TET1: variants seen among roughly 807,000 people sequenced by gnomAD.
TET1 encodes the protein tet methylcytosine dioxygenase 1, also known as methylcytosine dioxygenase TET1.
Under a neutral mutation model 148.7 loss-of-function variants are expected in TET1, and 13 were observed. The observed-to-expected ratio is 0.09, with a 90% CI of 0.06 to 0.14. The LOEUF is 0.14. TET1 is among the 10% of genes least tolerant of loss of function. The pLI is 1.00. For synonymous variants in TET1, 907 were observed against 937.2 expected, an observed-to-expected ratio of 0.97 and a Z score of 0.59; for missense variants, 2,182 against 2,553.8, an observed-to-expected ratio of 0.85 and a Z score of 3.14.
At chr10:68,675,411 C>T (rs536640313) in intron 8 of TET1, among the ~76,000 whole-genome samples, 4 of 152,210 alleles carry the variant, frequency 2.6e-5, no homozygotes, top group Admixed American at 2.6e-4. Context: ...TCTGGTGAAG[C>T]TTGGGTGGAA....
chr10:68,632,277 C>G, intron 3 of TET1: 2 of 1,035,372 alleles, frequency 1.9e-6, no homozygotes, highest in South Asian at 1.6e-5. Context: ...AGCCGAGATC[C>G]CGCCACTGCA....
intron 10 of TET1, among the ~76,000 whole-genome samples, chr10:68,685,856 A>C (rs1285884568): frequency 3.9e-5 from 6 of 152,310 alleles, no homozygotes; most frequent in African/African-American, 1.2e-4. Flanking sequence ...AAATTAAAAA[A>C]AAATTTTTTT....
chr10:68,676,259 TATATATATA>T (rs377357165), intron 8 of TET1, among the ~76,000 whole-genome samples: 21 of 14,506 alleles, frequency 1.4e-3, no homozygotes, highest in African/African-American at 4.8e-3. Context: ...TATATATATA[TATATATATA>T]TTTTTTTTTT....
At chr10:68,598,846 A>T (rs1408221608) in intron 2 of TET1, among the ~76,000 whole-genome samples, 1 of 151,914 alleles carries the variant, frequency 6.6e-6, no homozygotes, top group Non-Finnish European at 1.5e-5. Context: ...ACCCACCATC[A>T]TGCCCGGCTA....
At position 68,646,377 on chromosome 10, in the gene TET1, G is replaced by T. The variant is rs144122659; in HGVS notation, c.3648G>T (p.Ser1216=). 70 of 1,613,930 alleles carry T rather than the reference G, an allele frequency of 4.3e-5. No homozygotes were observed. In the African/African-American group the frequency reaches 8.4e-4, roughly 19 times the overall value. ...CTGTATTTGGGAAAATTTCTTCCTC[G>T]ACCAAAATATGGAAACCACTGGCTC... ...FPTVFGKISS[S]TKIWKPLAQT... Residue 1216 remains serine (S), a synonymous_variant, in exon 4 of 12, where the codon TCG becomes TCT. Transcript: ENST00000373644.
intron 11 of TET1, among the ~76,000 whole-genome samples, chr10:68,688,300 G>T (rs2055542804): frequency 6.6e-6 from 1 of 151,180 alleles, no homozygotes; most frequent in African/African-American, 2.4e-5. Flanking sequence ...GTTTCACCAT[G>T]TTGGCCAAAC....
intron 6 of TET1, 128 bp downstream of exon 6, chr10:68,652,722 T>C: frequency 1.6e-6 from 1 of 631,132 alleles, no homozygotes. Flanking sequence ...TGAGACAGGC[T>C]TTGTCGCCCC....
intron 1 of TET1, among the ~76,000 whole-genome samples, chr10:68,569,886 C>G (rs768834494): frequency 3.3e-5 from 5 of 151,952 alleles, no homozygotes; most frequent in Non-Finnish European, 5.9e-5. Flanking sequence ...ACTTCATCAA[C>G]TTAAATCATT....
At chr10:68,587,259 G>A (rs1159227672) in intron 2 of TET1, among the ~76,000 whole-genome samples, 1 of 152,186 alleles carries the variant, frequency 6.6e-6, no homozygotes, top group African/African-American at 2.4e-5. Context: ...TGAGTTTTCT[G>A]TAAAAGTAGG....
chr10:68,590,389 C>A (rs1225209665), intron 2 of TET1, among the ~76,000 whole-genome samples: 1 of 152,016 alleles, frequency 6.6e-6, no homozygotes, highest in Non-Finnish European at 1.5e-5. Context: ...GCCTTGGCTT[C>A]CCAAATTGTT....
At chr10:68,667,011 G>C (rs749372558) in intron 6 of TET1, 34 bp from the exon 7 acceptor site, 1 of 1,586,726 alleles carries the variant, frequency 6.3e-7, no homozygotes, top group South Asian at 1.1e-5. Flanking sequence ...TGGCATACTT[G>C]TCTTCCATAG....
At chr10:68,664,670 ATTTTTTTTTT>A (rs398013961) in intron 6 of TET1, among the ~76,000 whole-genome samples, 1 of 99,544 alleles carries the variant, frequency 1.0e-5, no homozygotes, top group Non-Finnish European at 1.9e-5. Context: ...CCCAGCCTGC[ATTTTTTTTTT>A]TTTTTTTTTT....
chr10:68,615,206 C>G (rs1455098609), intron 3 of TET1, among the ~76,000 whole-genome samples: 1 of 151,964 alleles, frequency 6.6e-6, no homozygotes, highest in Non-Finnish European at 1.5e-5. Flanking sequence ...GCTGAGATTA[C>G]AGGCTTGAGC....
intron 3 of TET1, among the ~76,000 whole-genome samples, chr10:68,636,425 G>A (rs890796662): frequency 6.6e-6 from 1 of 152,120 alleles, no homozygotes; most frequent in Non-Finnish European, 1.5e-5. Context: ...TGGAGTTCTC[G>A]TTTGGGGTAG....
In TET1 at chr10:68,644,962, C is replaced by T. The variant is rs568996501; in HGVS notation, c.2233C>T (p.Arg745Ter). The T allele has an allele frequency of 3.1e-6, 5 of 1,613,356 alleles. No homozygotes were observed. The highest frequency in any genetic ancestry group is 1.1e-5 in the South Asian group (1 of 90,914). The change falls in exon 4 of 12, where the codon CGA becomes TGA. Residue 745 changes from arginine to a stop codon, truncating the protein, a stop_gained. Coordinates refer to ENST00000373644, the MANE Select transcript of TET1 (RefSeq NM_030625.3). LOFTEE classifies it high-confidence loss of function. ...GAAAAACTCTGAAGTTGACAAGAAA[C>T]GAACCAAATCTCCAAAATTGTTTGT... ...KSKNSEVDKK[R>*]TKSPKLFVQT...
intron 3 of TET1, among the ~76,000 whole-genome samples, chr10:68,614,658 AG>A (rs947520259): frequency 6.6e-6 from 1 of 152,186 alleles, no homozygotes; most frequent in African/African-American, 2.4e-5. Context: ...CTGGGACTAC[AG>A]GTGTGCTCAC....
rs770318418 is a variant in TET1, at chr10:68,666,913, G to A, written c.4462-132G>A. 1.5e-4 allele frequency: 127 copies of A among 827,026 alleles called. 1 individual carries two copies. The highest frequency in any genetic ancestry group is 4.0e-4 in the South Asian group (21 of 51,964). The allele number at this position is 827,026 out of a possible 1,614,324, so 51.2% of individuals were successfully genotyped here. A position where few individuals can be genotyped will look rare whatever the true frequency, so the allele number is the denominator to read the frequency against. On this transcript the variant is annotated intron_variant, in intron 6 of 11. Coordinates refer to ENST00000373644, the MANE Select transcript of TET1 (RefSeq NM_030625.3). ...AGCCTTGGTAACATAGTTAGACCCC[G>A]TCTGTAGAACAGATTTTATAAATTA...
intron 2 of TET1, among the ~76,000 whole-genome samples, chr10:68,580,313 ATTTTTTTTTTTTTT>A (rs1163318028): frequency 1.7e-5 from 1 of 60,400 alleles, no homozygotes; most frequent in African/African-American, 6.8e-5. Context: ...ATTATATTCA[ATTTTTTTTTTTTTT>A]TTTTTTTTTT....
intron 1 of TET1, among the ~76,000 whole-genome samples, chr10:68,568,097 C>T (rs2053626659): frequency 6.6e-6 from 1 of 152,098 alleles, no homozygotes; most frequent in Non-Finnish European, 1.5e-5. Flanking sequence ...AAGCTGCTCT[C>T]GAACTCCCAA....
Sources: allele counts gnomAD v4.1 joint callset (sites outside exome capture counted in the v4.1 genomes callset), GRCh38; gene constraint gnomAD v4.1.1; transcripts MANE v1.5; gene names NCBI Gene and HGNC (gene_info 2026-07-23, HGNC 2026-07-21).